Variants in KCNMA1 observed in about 807,000 individuals in gnomAD.
KCNMA1 encodes potassium calcium-activated channel subfamily M alpha 1, also known as Calcium-activated potassium channel subunit alpha-1.
In KCNMA1, 29 loss-of-function variants were observed where a neutral mutation model predicts 140.0. That is an observed-to-expected ratio of 0.21 (90% CI 0.15 to 0.28). KCNMA1 has a LOEUF of 0.28. Ranked by LOEUF, KCNMA1 falls within the 10% of genes least tolerant of loss-of-function variation. The probability of loss-of-function intolerance (pLI) is 1.00; values close to 1 mark genes in which losing one functional copy is unlikely to be tolerated. For missense variants in KCNMA1, 880 were observed against 1,602.2 expected (o/e 0.55, Z 7.70); for synonymous variants, 612 against 611.9 (o/e 1.00, Z 0.00).
chr10:77,539,106 T>C (rs367783710), intron 1 of KCNMA1, among the ~76,000 whole-genome samples: 61 of 151,962 alleles, frequency 4.0e-4, no homozygotes, highest in African/African-American at 1.1e-3. Flanking sequence ...ACTTACACCA[T>C]TCATAAACCA....
intron 2 of KCNMA1, among the ~76,000 whole-genome samples, chr10:77,267,331 C>A (rs986562974): frequency 2.6e-5 from 4 of 152,164 alleles, no homozygotes; most frequent in African/African-American, 9.7e-5. Flanking sequence ...CATCTCCATT[C>A]TAAAGGTGGA....
At chr10:77,598,246 C>T (rs888291852) in intron 1 of KCNMA1, among the ~76,000 whole-genome samples, 1 of 152,204 alleles carries the variant, frequency 6.6e-6, no homozygotes, top group African/African-American at 2.4e-5. Flanking sequence ...GCTGGGATTA[C>T]AGGCATGAGC....
At chr10:77,494,888 A>G (rs2041290297) in intron 1 of KCNMA1, among the ~76,000 whole-genome samples, 1 of 152,134 alleles carries the variant, frequency 6.6e-6, no homozygotes, top group African/African-American at 2.4e-5. Flanking sequence ...CTTGGCTTAC[A>G]GATTCATCAC....
chr10:76,969,945 A>G (rs1430602216), intron 20 of KCNMA1, 29 bp downstream of exon 20: 10 of 1,561,466 alleles, frequency 6.4e-6, no homozygotes, highest in Non-Finnish European at 8.8e-6. Context: ...CTAAGAGGGA[A>G]ACCGTGGGCA....
intron 9 of KCNMA1, among the ~76,000 whole-genome samples, chr10:77,100,181 C>T (rs1176144829): frequency 6.6e-6 from 1 of 152,134 alleles, no homozygotes; most frequent in African/African-American, 2.4e-5. Flanking sequence ...ACATTTTACC[C>T]ACAGCACATG....
chr10:77,374,415 A>G (rs771715476), intron 2 of KCNMA1, among the ~76,000 whole-genome samples: 1 of 152,214 alleles, frequency 6.6e-6, no homozygotes, highest in Non-Finnish European at 1.5e-5. Flanking sequence ...ACACAAAAAA[A>G]CTATTGGGGT....
At chr10:77,343,505 G>C (rs1161675598) in intron 2 of KCNMA1, among the ~76,000 whole-genome samples, 1 of 152,114 alleles carries the variant, frequency 6.6e-6, no homozygotes, top group Non-Finnish European at 1.5e-5. Flanking sequence ...GAGGGGAGGG[G>C]GATGAGGTGC....
At chr10:77,636,996 C>T (rs1408470422) in intron 1 of KCNMA1, 8 of 1,408,936 alleles carry the variant, frequency 5.7e-6, no homozygotes, top group Non-Finnish European at 6.4e-6. Context: ...CAGCCGCAGC[C>T]GCCAACAACC....
rs186562976 is a variant in KCNMA1 at position 76,921,777 on chromosome 10, T to C, written c.2903-6728A>G. 2.7e-3 allele frequency among the ~76,000 whole-genome samples: 411 copies of C among 152,274 alleles called. 1 individual carries two copies. Among genetic ancestry groups the C allele is most frequent in the African/African-American group, 9.4e-3 (390 of 41,568 alleles). On this transcript the variant is annotated intron_variant, in intron 23 of 27. Coordinates refer to ENST00000286628, the MANE Select transcript of KCNMA1 (RefSeq NM_001161352.2). ...GAAAATCCACACACACCAGGTTGAT[T>C]TGGGAAACAGGTTTTTGGAAATGAC...
downstream of KCNMA1, chr10:76,876,563 T>C (rs971935597): frequency 6.6e-6 from 1 of 152,570 alleles, no homozygotes; most frequent in Non-Finnish European, 1.5e-5. Flanking sequence ...TAACAGTCTA[T>C]ATGAAGTGCA....
intron 14 of KCNMA1, among the ~76,000 whole-genome samples, chr10:77,062,282 G>T (rs2095786195): frequency 6.6e-6 from 1 of 152,146 alleles, no homozygotes; most frequent in Non-Finnish European, 1.5e-5. Context: ...CACTCGAATT[G>T]CTTGAGTTAC....
chr10:77,026,295 G>A (rs1272183674), intron 16 of KCNMA1, among the ~76,000 whole-genome samples: 1 of 152,160 alleles, frequency 6.6e-6, no homozygotes, highest in Non-Finnish European at 1.5e-5. Context: ...ACACTATGCA[G>A]CATCAGCATC....
intron 13 of KCNMA1, among the ~76,000 whole-genome samples, chr10:77,075,436 G>C (rs565443325): frequency 1.3e-5 from 2 of 152,202 alleles, no homozygotes; most frequent in East Asian, 3.9e-4. Context: ...GATTTTTTTG[G>C]TCCAAGCCCT....
At chr10:77,269,607 T>C (rs901678264) in intron 2 of KCNMA1, among the ~76,000 whole-genome samples, 2 of 152,092 alleles carry the variant, frequency 1.3e-5, no homozygotes, top group African/African-American at 4.8e-5. Context: ...AAAAGAAAGC[T>C]CCCCAAGTAA....
At chr10:77,345,466 T>C (rs1378746642) in intron 2 of KCNMA1, among the ~76,000 whole-genome samples, 1 of 152,168 alleles carries the variant, frequency 6.6e-6, no homozygotes, top group East Asian at 1.9e-4. Context: ...TTAGTGAGTC[T>C]AGAAGACCCT....
chr10:77,394,388 A>G (rs2095958774), intron 2 of KCNMA1, among the ~76,000 whole-genome samples: 1 of 152,184 alleles, frequency 6.6e-6, no homozygotes, highest in Non-Finnish European at 1.5e-5. Context: ...AGGCCTGCAG[A>G]CCAGAAGCTG....
chr10:76,897,905 T>C (rs2043280365), intron 25 of KCNMA1, among the ~76,000 whole-genome samples: 1 of 151,952 alleles, frequency 6.6e-6, no homozygotes, highest in African/African-American at 2.4e-5. Context: ...TACTAAATTT[T>C]TCTAGACAAT....
intron 1 of KCNMA1, among the ~76,000 whole-genome samples, chr10:77,524,645 G>A (rs1328979670): frequency 6.6e-6 from 1 of 152,178 alleles, no homozygotes; most frequent in Non-Finnish European, 1.5e-5. Context: ...GAGGAGAAAT[G>A]AAAATACCAG....
chr10:77,110,482 G>T, intron 7 of KCNMA1, 139 bp from the exon 8 acceptor site: 1 of 786,452 alleles, frequency 1.3e-6, no homozygotes, highest in Non-Finnish European at 2.2e-6. Flanking sequence ...TGGTTCCCGG[G>T]CTGAGTTCTG....
Sources: gnomAD v4.1 joint callset for allele counts (sites outside exome capture counted in the v4.1 genomes callset) on GRCh38, gnomAD v4.1.1 for gene constraint, MANE v1.5 for transcripts, NCBI Gene and HGNC (gene_info 2026-07-23, HGNC 2026-07-21) for gene names.